Variants in TRPC7 observed in about 807,000 individuals in gnomAD.
TRPC7 encodes the protein short transient receptor potential channel 7.
A neutral mutation model predicts 90.1 loss-of-function variants in TRPC7; 42 were observed. The ratio of observed to expected loss-of-function variants is 0.47; its 90% CI spans 0.36 to 0.60. The LOEUF is 0.60. Ranked by LOEUF, TRPC7 falls within the 20% of genes least tolerant of loss-of-function variation. The pLI is 0.00. For synonymous variants in TRPC7, 451 were observed against 436.3 expected (o/e 1.03, Z -0.42); for missense variants, 955 against 1,112.3 (o/e 0.86, Z 2.01).
chr5:136,219,363 C>A (rs1411162484), intron 10 of TRPC7, among the ~76,000 whole-genome samples: 8 of 152,248 alleles, frequency 5.3e-5, no homozygotes, highest in African/African-American at 1.7e-4. Flanking sequence ...ATCAGATGAG[C>A]ACTGCAGATG....
chr5:136,319,518 T>A (rs1759127786), intron 2 of TRPC7, among the ~76,000 whole-genome samples: 1 of 152,186 alleles, frequency 6.6e-6, no homozygotes, highest in African/African-American at 2.4e-5. Flanking sequence ...ACTACTCTAA[T>A]TTTCTGTCTA....
At chr5:136,274,615 C>G in intron 4 of TRPC7, 58 bp downstream of exon 4, 1 of 1,423,088 alleles carries the variant, frequency 7.0e-7, no homozygotes, top group Non-Finnish European at 9.2e-7. Context: ...GATTTCAGAT[C>G]ATGCTAAGAA....
At chr5:136,352,286 G>A (rs1457658225) in intron 2 of TRPC7, among the ~76,000 whole-genome samples, 4 of 151,950 alleles carry the variant, frequency 2.6e-5, no homozygotes, top group Non-Finnish European at 5.9e-5. Context: ...CCATGTCCCC[G>A]CCCTGCCCCA....
chr5:136,306,909 C>A (rs938015403), intron 3 of TRPC7, among the ~76,000 whole-genome samples: 1 of 152,204 alleles, frequency 6.6e-6, no homozygotes, highest in Non-Finnish European at 1.5e-5. Flanking sequence ...TGATAATCCA[C>A]CACCCTTCGC....
chr5:136,283,004 C>G (rs1010760956), intron 3 of TRPC7, among the ~76,000 whole-genome samples: 1 of 152,202 alleles, frequency 6.6e-6, no homozygotes, highest in Non-Finnish European at 1.5e-5. Flanking sequence ...TATTCCTACT[C>G]AAGTCATTCT....
chr5:136,218,923 T>C (rs575001689), intron 10 of TRPC7, among the ~76,000 whole-genome samples: 1 of 152,188 alleles, frequency 6.6e-6, no homozygotes, highest in Non-Finnish European at 1.5e-5. Flanking sequence ...CAGAGACTGA[T>C]GTAACTTCTC....
intron 7 of TRPC7, among the ~76,000 whole-genome samples, chr5:136,234,918 A>G (rs888996290): frequency 6.6e-6 from 1 of 152,192 alleles, no homozygotes; most frequent in African/African-American, 2.4e-5. Flanking sequence ...TGTAAGCAAT[A>G]CAATATTTTA....
chr5:136,295,838 T>A (rs543441221), intron 3 of TRPC7, among the ~76,000 whole-genome samples: 1 of 152,332 alleles, frequency 6.6e-6, no homozygotes, highest in South Asian at 2.1e-4. Context: ...AAATGACGGA[T>A]ATACATATTC....
intron 2 of TRPC7, among the ~76,000 whole-genome samples, chr5:136,343,405 C>G (rs1408295525): frequency 6.6e-6 from 1 of 152,146 alleles, no homozygotes; most frequent in Non-Finnish European, 1.5e-5. Context: ...CCTTGAAATT[C>G]TCTGACCTAC....
At chr5:136,255,233 G>T (rs1197793211) in intron 5 of TRPC7, among the ~76,000 whole-genome samples, 1 of 152,184 alleles carries the variant, frequency 6.6e-6, no homozygotes, top group East Asian at 1.9e-4. Flanking sequence ...GTTCTACTTT[G>T]GGTCAAATGC....
At chr5:136,355,506 T>C (rs1479855285) in intron 2 of TRPC7, among the ~76,000 whole-genome samples, 2 of 152,198 alleles carry the variant, frequency 1.3e-5, no homozygotes, top group Admixed American at 6.5e-5. Context: ...GCCCATTAAA[T>C]ATTTGCTCTT....
intron 3 of TRPC7, among the ~76,000 whole-genome samples, chr5:136,293,692 T>G (rs1758049871): frequency 6.6e-6 from 1 of 152,144 alleles, no homozygotes; most frequent in Non-Finnish European, 1.5e-5. Flanking sequence ...GAAGAATCAA[T>G]ATTGTGAAAA....
chr5:136,352,434 T>C (rs1336071547), intron 2 of TRPC7, among the ~76,000 whole-genome samples: 1 of 152,020 alleles, frequency 6.6e-6, no homozygotes, highest in Non-Finnish European at 1.5e-5. Context: ...TAAAGGAGAC[T>C]AGCAAAATAA....
intron 5 of TRPC7, among the ~76,000 whole-genome samples, chr5:136,255,334 C>T (rs1756655157): frequency 6.6e-6 from 1 of 152,328 alleles, no homozygotes; most frequent in Admixed American, 6.5e-5. Flanking sequence ...GAAATTGCCA[C>T]GGCCACTTTA....
intron 2 of TRPC7, among the ~76,000 whole-genome samples, chr5:136,333,207 T>C (rs138739496): frequency 1.7e-3 from 265 of 152,306 alleles, no homozygotes; most frequent in African/African-American, 4.7e-3. Context: ...AAAGACAGGC[T>C]CTTAGCCCTA....
At chr5:136,336,344 C>A (rs939335153) in intron 2 of TRPC7, among the ~76,000 whole-genome samples, 1 of 152,114 alleles carries the variant, frequency 6.6e-6, no homozygotes, top group African/African-American at 2.4e-5. Context: ...ATCTGGCACA[C>A]AGAAGGAAGA....
At chr5:136,299,313 AAG>A (rs1166422609) in intron 3 of TRPC7, among the ~76,000 whole-genome samples, 1 of 148,740 alleles carries the variant, frequency 6.7e-6, no homozygotes, top group African/African-American at 2.5e-5. Flanking sequence ...AAAAAAAAAA[AAG>A]AAATTTCTCT....
chr5:136,283,125 C>T (rs2149819672), intron 3 of TRPC7, among the ~76,000 whole-genome samples: 1 of 152,324 alleles, frequency 6.6e-6, no homozygotes, highest in Non-Finnish European at 1.5e-5. Flanking sequence ...GTGGTATGAC[C>T]AGTTTTCTGC....
chr5:136,286,413 T>A (rs1757720985), intron 3 of TRPC7, among the ~76,000 whole-genome samples: 1 of 152,154 alleles, frequency 6.6e-6, no homozygotes, highest in Admixed American at 6.5e-5. Context: ...CCTGAGACAG[T>A]TACCTCTTAG....
Sources: gnomAD v4.1 joint callset for allele counts (sites outside exome capture counted in the v4.1 genomes callset) on GRCh38, gnomAD v4.1.1 for gene constraint, MANE v1.5 for transcripts, NCBI Gene and HGNC (gene_info 2026-07-23, HGNC 2026-07-21) for gene names.